Variants in PDZRN4 observed in about 807,000 individuals in gnomAD.
The protein encoded by PDZRN4 is PDZ domain-containing RING finger protein 4.
In PDZRN4, 70 loss-of-function variants were observed where a neutral mutation model predicts 99.0. That is an observed-to-expected ratio of 0.71 (90% CI 0.58 to 0.86). PDZRN4 has a LOEUF of 0.86. Among genes scored for constraint, PDZRN4 ranks in the 40% least tolerant of loss-of-function variants. PDZRN4 has a pLI of 0.00. For missense variants in PDZRN4, 1,474 were observed against 1,331.2 expected (o/e 1.11, Z -1.67); for synonymous variants, 551 against 501.6 (o/e 1.10, Z -1.32).
intron 3 of PDZRN4, among the ~76,000 whole-genome samples, chr12:41,341,153 A>T (rs1951813537): frequency 8.4e-6 from 1 of 118,862 alleles, no homozygotes. Context: ...AACGTTCAAC[A>T]TCCTTTCATG....
chr12:41,473,952 G>C (rs373475016), intron 3 of PDZRN4, among the ~76,000 whole-genome samples: 1 of 152,338 alleles, frequency 6.6e-6, no homozygotes, highest in Non-Finnish European at 1.5e-5. Flanking sequence ...AGCCTTGAAT[G>C]GAGATTTGAA....
At chr12:41,283,907 T>A (rs1273463226) in intron 3 of PDZRN4, among the ~76,000 whole-genome samples, 2 of 152,216 alleles carry the variant, frequency 1.3e-5, no homozygotes, top group African/African-American at 4.8e-5. Context: ...AATATCATAC[T>A]GAATGGGCAA....
At chr12:41,423,745 A>G (rs1237376048) in intron 3 of PDZRN4, among the ~76,000 whole-genome samples, 2 of 152,114 alleles carry the variant, frequency 1.3e-5, no homozygotes, top group African/African-American at 4.8e-5. Flanking sequence ...TGCCATTATG[A>G]TTTTGAACAG....
chr12:41,244,371 C>T (rs1951119492), intron 3 of PDZRN4, among the ~76,000 whole-genome samples: 1 of 152,202 alleles, frequency 6.6e-6, no homozygotes, highest in African/African-American at 2.4e-5. Flanking sequence ...CATACCACAA[C>T]CAGAGTGTTC....
At chr12:41,217,199 G>C (rs1427091235) in intron 3 of PDZRN4, among the ~76,000 whole-genome samples, 4 of 152,062 alleles carry the variant, frequency 2.6e-5, no homozygotes, top group African/African-American at 4.8e-5. Context: ...CTGAAGTAGA[G>C]GCCAATGTTC....
intron 3 of PDZRN4, among the ~76,000 whole-genome samples, chr12:41,440,440 C>A (rs1352740397): frequency 1.3e-5 from 2 of 152,102 alleles, no homozygotes; most frequent in African/African-American, 4.8e-5. Context: ...TAATACAGGA[C>A]ACATAGAATG....
intron 3 of PDZRN4, among the ~76,000 whole-genome samples, chr12:41,439,496 G>C (rs981269316): frequency 3.9e-5 from 6 of 152,200 alleles, no homozygotes; most frequent in African/African-American, 1.4e-4. Context: ...GAGCGTGGTA[G>C]GTGGCATCCT....
intron 3 of PDZRN4, among the ~76,000 whole-genome samples, chr12:41,280,695 G>T (rs1258131456): frequency 1.3e-5 from 2 of 152,210 alleles, no homozygotes; most frequent in Non-Finnish European, 2.9e-5. Flanking sequence ...ATCTCTGAAA[G>T]AAAGGCAGCA....
chr12:41,438,016 G>A (rs774558570), intron 3 of PDZRN4: 3 of 1,613,850 alleles, frequency 1.9e-6, no homozygotes, highest in Admixed American at 1.7e-5. Flanking sequence ...TTTCCCAGGT[G>A]AGTGCAGGGT....
At chr12:41,556,384 A>T (rs1388637454) in intron 7 of PDZRN4, among the ~76,000 whole-genome samples, 1 of 152,254 alleles carries the variant, frequency 6.6e-6, no homozygotes, top group Admixed American at 6.5e-5. Context: ...TAGATGGTAC[A>T]GCCTACTACA....
At chr12:41,218,130 A>T (rs1416424558) in intron 3 of PDZRN4, among the ~76,000 whole-genome samples, 1 of 152,110 alleles carries the variant, frequency 6.6e-6, no homozygotes, top group East Asian at 1.9e-4. Context: ...AATTAAGTCA[A>T]TTTTTAAAAA....
At position 41,349,129 on chromosome 12, in the gene PDZRN4, G is replaced by A. The variant is rs1051774324; in HGVS notation, c.843+154941G>A. ...ATTTTTTACACAATTACTATCAATA[G>A]GGATCACCTATATTAACAAAAAGCT... On this transcript the variant is annotated intron_variant, in intron 3 of 9. Coordinates refer to ENST00000402685, the MANE Select transcript of PDZRN4 (RefSeq NM_001164595.2). Among the ~76,000 whole-genome samples, 104 of 151,610 alleles carry A rather than the reference G, an allele frequency of 6.9e-4. 1 individual carries two copies. Among genetic ancestry groups the A allele is most frequent in the African/African-American group, 2.3e-3 (97 of 41,416 alleles).
chr12:41,379,518 T>A (rs1443414642), intron 3 of PDZRN4, among the ~76,000 whole-genome samples: 1 of 151,850 alleles, frequency 6.6e-6, no homozygotes, highest in East Asian at 1.9e-4. Flanking sequence ...ACTTTTCTTT[T>A]AGAACATTTT....
intron 3 of PDZRN4, among the ~76,000 whole-genome samples, chr12:41,399,864 C>T (rs1326059497): frequency 6.6e-6 from 1 of 151,758 alleles, no homozygotes; most frequent in Non-Finnish European, 1.5e-5. Flanking sequence ...GGGTAGAATC[C>T]AATCACTTCT....
chr12:41,454,580 C>T (rs1226805603), intron 3 of PDZRN4, among the ~76,000 whole-genome samples: 2 of 152,174 alleles, frequency 1.3e-5, no homozygotes, highest in Non-Finnish European at 2.9e-5. Context: ...ATAGCATGGT[C>T]CCTTGAGGGA....
At chr12:41,476,767 G>C (rs1410976216) in intron 3 of PDZRN4, among the ~76,000 whole-genome samples, 3 of 152,198 alleles carry the variant, frequency 2.0e-5, no homozygotes, top group Non-Finnish European at 2.9e-5. Context: ...TAATGATGGT[G>C]GTTCCCATGC....
At chr12:41,271,065 A>G (rs568395581) in intron 3 of PDZRN4, among the ~76,000 whole-genome samples, 1 of 152,134 alleles carries the variant, frequency 6.6e-6, no homozygotes, top group South Asian at 2.1e-4. Context: ...ATTTGCTTTT[A>G]TATTATTTTT....
intron 3 of PDZRN4, among the ~76,000 whole-genome samples, chr12:41,232,406 G>A (rs1029891393): frequency 2.0e-5 from 3 of 152,086 alleles, no homozygotes; most frequent in African/African-American, 7.2e-5. Flanking sequence ...TCCATAGGCA[G>A]TTCCTGGATC....
chr12:41,467,570 G>A (rs776533518), intron 3 of PDZRN4, among the ~76,000 whole-genome samples: 1 of 152,168 alleles, frequency 6.6e-6, no homozygotes, highest in African/African-American at 2.4e-5. Context: ...GAAGCAATTG[G>A]TTGTATCTGT....
Sources: allele counts gnomAD v4.1 joint callset (sites outside exome capture counted in the v4.1 genomes callset), GRCh38; gene constraint gnomAD v4.1.1; transcripts MANE v1.5; gene names NCBI Gene and HGNC (gene_info 2026-07-23, HGNC 2026-07-21).